CLRN1: variants seen among roughly 807,000 people sequenced by gnomAD.
CLRN1 encodes the protein clarin 1.
CLRN1 carries 15 observed loss-of-function variants against 18.7 expected under a neutral mutation model. The ratio of observed to expected loss-of-function variants is 0.80; its 90% confidence interval spans 0.54 to 1.23. The LOEUF is 1.23. Ranked by LOEUF, CLRN1 falls within the 50% of genes most tolerant of loss-of-function variation. The probability of loss-of-function intolerance (pLI) is 0.00; values close to 1 mark genes in which losing one functional copy is unlikely to be tolerated. For synonymous variants in CLRN1, 104 were observed against 102.9 expected, an observed-to-expected ratio of 1.01 and a Z score of -0.07; for missense variants, 311 against 277.5, an observed-to-expected ratio of 1.12 and a Z score of -0.86.
Position 150,929,213 on chromosome 3 carries a change from G to A in CLRN1, c.434-1012C>T, listed in dbSNP as rs138700606. Among the ~76,000 whole-genome samples the A allele has an allele frequency of 6.6e-5, 10 of 152,218 alleles. No homozygotes were observed. The East Asian group carries it at 7.7e-4, about 12-fold the overall frequency. ...TTTTAACAGATGTAGCTGTGATTTC[G>A]GTGAGATTGCTGTGGGACAGGGGCA... On this transcript the variant is annotated intron_variant, in intron 2 of 2. Coordinates refer to ENST00000327047, the MANE Select transcript of CLRN1 (RefSeq NM_174878.3).
In CLRN1 at chr3:150,940,400, T is replaced by G. The variant is rs151138640; in HGVS notation, c.433+1182A>C. 17 of 1,324,424 alleles carry G rather than the reference T, an allele frequency of 1.3e-5. No homozygotes were observed. The African/African-American group carries it at 2.1e-4, about 16-fold the overall frequency. The allele number at this position is 1,324,424 out of a possible 1,614,324, so 82.0% of individuals were successfully genotyped here. A position where few individuals can be genotyped will look rare whatever the true frequency, so the allele number is the denominator to read the frequency against. ...CTGTTAACTACAGGCCTTTGTTTTA[T>G]AGAGAGAGAGATCTATACACGTTTG... On this transcript the variant is annotated intron_variant, in intron 2 of 2. Transcript: ENST00000327047.
chr3:150,953,453 C>T (rs772380869), intron 1 of CLRN1, among the ~76,000 whole-genome samples: 8 of 152,092 alleles, frequency 5.3e-5, no homozygotes, highest in Non-Finnish European at 1.0e-4. Context: ...TATCACCAAA[C>T]TTCTTCAAAC....
At chr3:150,970,057 G>A (rs1349680366) in intron 1 of CLRN1, among the ~76,000 whole-genome samples, 2 of 152,178 alleles carry the variant, frequency 1.3e-5, no homozygotes, top group Non-Finnish European at 2.9e-5. Context: ...AAGACATTCT[G>A]GGAAATGAAT....
intron 1 of CLRN1, among the ~76,000 whole-genome samples, chr3:150,963,471 T>C (rs1345512384): frequency 6.6e-6 from 1 of 152,156 alleles, no homozygotes; most frequent in Non-Finnish European, 1.5e-5. Flanking sequence ...ATTAATATCA[T>C]GAAAATGGCC....
intron 1 of CLRN1, chr3:150,942,761 T>A (rs375795830): frequency 0.048 from 13,242 of 276,008 alleles, 999 homozygotes; most frequent in East Asian, 0.29. Context: ...CTCATTTAAG[T>A]GACACTTCTC....
intron 2 of CLRN1, chr3:150,940,570 C>G: frequency 6.6e-7 from 1 of 1,508,732 alleles, no homozygotes; most frequent in Non-Finnish European, 8.9e-7. Context: ...ACATTGTTTG[C>G]TTTGTGTGAG....
chr3:150,948,184 A>G (rs1487612162), intron 1 of CLRN1, among the ~76,000 whole-genome samples: 1 of 152,186 alleles, frequency 6.6e-6, no homozygotes, highest in Non-Finnish European at 1.5e-5. Context: ...GAGGATTCAA[A>G]TAAACACAAT....
intron 1 of CLRN1, among the ~76,000 whole-genome samples, chr3:150,944,733 C>A (rs1208705525): frequency 1.3e-5 from 2 of 149,064 alleles, no homozygotes; most frequent in Non-Finnish European, 3.0e-5. Flanking sequence ...CCAGCCTGGG[C>A]AACAGAGTGA....
chr3:150,940,433 G>A (rs1217709826), intron 2 of CLRN1: 1 of 1,504,598 alleles, frequency 6.6e-7, no homozygotes, highest in Non-Finnish European at 8.9e-7. Context: ...TTGTGGTTGG[G>A]GTTGAATTGT....
At chr3:150,932,836 C>T (rs1713235261) in intron 2 of CLRN1, among the ~76,000 whole-genome samples, 1 of 152,160 alleles carries the variant, frequency 6.6e-6, no homozygotes, top group Admixed American at 6.6e-5. Context: ...TGAGTTAATA[C>T]CAAAGGGTAG....
intron 1 of CLRN1, among the ~76,000 whole-genome samples, chr3:150,968,604 T>A (rs970991958): frequency 6.6e-6 from 1 of 152,234 alleles, no homozygotes; most frequent in Admixed American, 6.5e-5. Flanking sequence ...ATGACTACAT[T>A]GCCAAACTAT....
chr3:150,961,412 A>C (rs1715029237), intron 1 of CLRN1, among the ~76,000 whole-genome samples: 1 of 152,180 alleles, frequency 6.6e-6, no homozygotes. Flanking sequence ...GATGATTCTA[A>C]AGTGCAGCCA....
At chr3:150,962,216 G>A (rs1270000607) in intron 1 of CLRN1, among the ~76,000 whole-genome samples, 1 of 152,202 alleles carries the variant, frequency 6.6e-6, no homozygotes. Flanking sequence ...ACAGCATGCT[G>A]AGAGGGAGCG....
intron 2 of CLRN1, among the ~76,000 whole-genome samples, chr3:150,933,192 G>A (rs1431530498): frequency 3.9e-5 from 6 of 152,154 alleles, no homozygotes; most frequent in South Asian, 2.1e-4. Context: ...TGCCTGTTGC[G>A]CTGTTGTGGG....
chr3:150,929,222 G>A (rs1054440822), intron 2 of CLRN1, among the ~76,000 whole-genome samples: 1 of 152,182 alleles, frequency 6.6e-6, no homozygotes, highest in East Asian at 1.9e-4. Flanking sequence ...CGGTGAGATT[G>A]CTGTGGGACA....
Position 150,927,625 on chromosome 3 carries a change from A to G in CLRN1, c.*311T>C, listed in dbSNP as rs563327663. ...CCTTTGATATCTTTTTGATAGGAAG[A>G]CATCTTACACACACACACACACACA... On this transcript the variant is annotated 3_prime_UTR_variant, in exon 3 of 3. Transcript: ENST00000327047. 8.0e-6 allele frequency: 4 copies of G among 497,064 alleles called. No homozygotes were observed. In the Admixed American group the frequency reaches 9.7e-5, roughly 12 times the overall value. 30.8% of individuals were successfully genotyped at this position (497,064 alleles called of 1,614,324 possible).
Position 150,971,572 on chromosome 3 carries a change from T to A in CLRN1, c.253+884A>T, listed in dbSNP as rs114817347. 5.3e-3 allele frequency among the ~76,000 whole-genome samples: 801 copies of A among 152,280 alleles called. 7 individuals carry two copies. Among genetic ancestry groups the A allele is most frequent in the African/African-American group, 0.018 (753 of 41,576 alleles). On this transcript the variant is annotated intron_variant, in intron 1 of 2. Transcript: ENST00000327047. ...ATTTTAAATGCTTCAGTTGGTAACC[T>A]CCTTTCCTGAAGAGTGATTTATGCA...
intron 2 of CLRN1, among the ~76,000 whole-genome samples, chr3:150,939,079 C>T (rs2107945616): frequency 6.6e-6 from 1 of 152,340 alleles, no homozygotes; most frequent in East Asian, 1.9e-4. Flanking sequence ...TGTGTCTCAC[C>T]TTCACTCCAG....
intron 2 of CLRN1, among the ~76,000 whole-genome samples, chr3:150,940,242 T>C (rs1713737656): frequency 1.3e-5 from 2 of 152,192 alleles, no homozygotes; most frequent in South Asian, 4.1e-4. Context: ...CTAAAGAAAA[T>C]ATTAGCAGAA....
Sources: gnomAD v4.1 joint callset for allele counts (sites outside exome capture counted in the v4.1 genomes callset) on GRCh38, gnomAD v4.1.1 for gene constraint, MANE v1.5 for transcripts, NCBI Gene and HGNC (gene_info 2026-07-23, HGNC 2026-07-21) for gene names.